The following RORB variants were observed in gnomAD, a reference collection of about 807,000 sequenced individuals.
RORB encodes nuclear receptor ROR-beta.
RORB carries 6 observed loss-of-function variants against 59.1 expected under a neutral mutation model. That is an observed-to-expected ratio of 0.10 (90% CI 0.06 to 0.20). RORB has a LOEUF of 0.20. Among genes scored for constraint, RORB ranks in the 10% least tolerant of loss-of-function variants. The probability of loss-of-function intolerance (pLI) is 1.00; values close to 1 mark genes in which losing one functional copy is unlikely to be tolerated. For synonymous variants in RORB, 215 were observed against 204.5 expected, an observed-to-expected ratio of 1.05 and a Z score of -0.44; for missense variants, 320 against 560.5, an observed-to-expected ratio of 0.57 and a Z score of 4.33.
At position 74,636,682 on chromosome 9, in the gene RORB, T is replaced by C. The variant is rs73547386; in HGVS notation, c.235+1910T>C. Among the ~76,000 whole-genome samples the C allele has an allele frequency of 2.1e-3, 325 of 152,190 alleles. 1 individual carries two copies. Among genetic ancestry groups the C allele is most frequent in the African/African-American group, 7.3e-3 (302 of 41,528 alleles). On this transcript the variant is annotated intron_variant, in intron 3 of 9. Transcript: ENST00000376896. ...TCAACTTTAGGTCCAGAGACAATCC[T>C]GAGGCTGCCGGGGACATCTTCAAAA...
intron 9 of RORB, among the ~76,000 whole-genome samples, chr9:74,684,381 G>A (rs569239652): frequency 1.4e-4 from 22 of 152,306 alleles, no homozygotes; most frequent in Non-Finnish European, 2.2e-4. Context: ...TCAATTTCAA[G>A]TGTGTCTTTA....
intron 1 of RORB, among the ~76,000 whole-genome samples, chr9:74,560,203 C>A (rs1373078632): frequency 2.6e-5 from 4 of 152,124 alleles, no homozygotes; most frequent in African/African-American, 9.7e-5. Context: ...TAGAAGCATC[C>A]TTTGGGTGTT....
intron 1 of RORB, among the ~76,000 whole-genome samples, chr9:74,588,630 T>C (rs1388257065): frequency 6.6e-6 from 1 of 152,212 alleles, no homozygotes; most frequent in East Asian, 1.9e-4. Flanking sequence ...TCTTAATTCA[T>C]CATCCGGTTA....
chr9:74,551,077 C>G lies in RORB; in HGVS notation c.7+53094C>G, dbSNP rs571635136. Among the ~76,000 whole-genome samples the G allele has an allele frequency of 1.6e-3, 243 of 152,066 alleles. 3 individuals carry two copies. The highest frequency in any genetic ancestry group is 5.4e-3 in the African/African-American group (225 of 41,480). ...TTACATGTAACATTTGCATTCTATT[C>G]CATGGAACAGTGCCGATCTAGAGAT... On this transcript the variant is annotated intron_variant, in intron 1 of 9. Transcript: ENST00000376896.
At chr9:74,672,438 G>T (rs1824363332) in intron 9 of RORB, among the ~76,000 whole-genome samples, 1 of 152,136 alleles carries the variant, frequency 6.6e-6, no homozygotes, top group Admixed American at 6.6e-5. Flanking sequence ...TTCCTACTCA[G>T]AGTGCAAGAT....
intron 1 of RORB, among the ~76,000 whole-genome samples, chr9:74,520,696 G>C (rs1256661536): frequency 9.2e-5 from 14 of 151,802 alleles, no homozygotes; most frequent in Non-Finnish European, 1.5e-5. Flanking sequence ...GCTTCAAACA[G>C]CTACCTAGAA....
intron 1 of RORB, among the ~76,000 whole-genome samples, chr9:74,516,043 C>T (rs1407063034): frequency 6.6e-6 from 1 of 151,950 alleles, no homozygotes; most frequent in African/African-American, 2.4e-5. Context: ...GGTCCTTGAC[C>T]TCCTAGGGAG....
chr9:74,620,538 T>C (rs922735119), intron 1 of RORB, among the ~76,000 whole-genome samples: 10 of 152,224 alleles, frequency 6.6e-5, no homozygotes, highest in Admixed American at 2.6e-4. Flanking sequence ...TTTGTGTCTC[T>C]ATTTCCTTCA....
chr9:74,667,676 T>A, intron 7 of RORB, 115 bp from the exon 8 acceptor site: 1 of 611,654 alleles, frequency 1.6e-6, no homozygotes, highest in Non-Finnish European at 2.9e-6. Context: ...AAAATATCTT[T>A]TCTAGAAGTC....
intron 1 of RORB, among the ~76,000 whole-genome samples, chr9:74,507,431 A>G (rs1825884567): frequency 6.6e-6 from 1 of 152,090 alleles, no homozygotes; most frequent in African/African-American, 2.4e-5. Flanking sequence ...TGTAATGAAA[A>G]TTAGTGAAAC....
At position 74,692,841 on chromosome 9, in the gene RORB, A is replaced by ATC. The variant is rs916991118; in HGVS notation, c.*7232_*7233dup. 3 of 152,118 alleles carry ATC rather than the reference A, an allele frequency of 2.0e-5. No individual in the cohort carries two copies. Among genetic ancestry groups the ATC allele is most frequent in the Non-Finnish European group, 4.4e-5 (3 of 68,010 alleles). The allele number at this position is 152,118 out of a possible 1,614,324, so 9.4% of individuals were successfully genotyped here. On this transcript the variant is annotated 3_prime_UTR_variant, in exon 10 of 10. Coordinates refer to ENST00000376896, the MANE Select transcript of RORB (RefSeq NM_006914.4). ...TAGTTTTAAAATCTACAATTTTCTG[A>ATC]TCTCTCTCTCCTTGTTTAATATATA...
intron 1 of RORB, 153 bp downstream of exon 1, chr9:74,498,136 C>G: frequency 1.2e-6 from 1 of 838,264 alleles, no homozygotes; most frequent in South Asian, 1.6e-5. Context: ...CTGCAAATGG[C>G]CTGGGCGTAG....
At chr9:74,671,950 A>G in intron 9 of RORB, 49 bp downstream of exon 9, 1 of 1,042,914 alleles carries the variant, frequency 9.6e-7, no homozygotes, top group Non-Finnish European at 1.4e-6. Context: ...GAGCACAGTG[A>G]GCAAAAAGGA....
intron 4 of RORB, among the ~76,000 whole-genome samples, chr9:74,652,385 C>T (rs12351088): frequency 0.23 from 35,099 of 151,932 alleles, 4,172 homozygotes; most frequent in African/African-American, 0.25. Flanking sequence ...TCCAGCTGGG[C>T]GACAGATCAA....
chr9:74,654,211 C>G (rs1824041245), intron 4 of RORB, among the ~76,000 whole-genome samples: 2 of 152,170 alleles, frequency 1.3e-5, no homozygotes, highest in Admixed American at 1.3e-4. Flanking sequence ...TCACGCACAT[C>G]TCAATCATGC....
intron 1 of RORB, among the ~76,000 whole-genome samples, chr9:74,598,289 C>A (rs1192924749): frequency 6.6e-6 from 1 of 151,976 alleles, no homozygotes; most frequent in East Asian, 1.9e-4. Context: ...ACTAGGAGAT[C>A]ATCTTTTTTA....
At chr9:74,511,623 A>T (rs1825940894) in intron 1 of RORB, among the ~76,000 whole-genome samples, 1 of 151,220 alleles carries the variant, frequency 6.6e-6, no homozygotes, top group Non-Finnish European at 1.5e-5. Context: ...AAGAAAAAAA[A>T]AAGTGTCAAG....
intron 4 of RORB, among the ~76,000 whole-genome samples, chr9:74,650,116 G>A (rs1271994147): frequency 6.6e-6 from 1 of 152,188 alleles, no homozygotes; most frequent in African/African-American, 2.4e-5. Context: ...AAAAGGAAAG[G>A]AGATTTCAGG....
intron 1 of RORB, among the ~76,000 whole-genome samples, chr9:74,506,471 T>C (rs935906099): frequency 4.6e-5 from 7 of 152,076 alleles, no homozygotes; most frequent in African/African-American, 1.7e-4. Context: ...AAGTGTCCAC[T>C]ACAGTCCTCA....
Sources: allele counts gnomAD v4.1 joint callset (sites outside exome capture counted in the v4.1 genomes callset), GRCh38; gene constraint gnomAD v4.1.1; transcripts MANE v1.5; gene names NCBI Gene and HGNC (gene_info 2026-07-23, HGNC 2026-07-21).